The following TTLL3 variants were observed in gnomAD, a reference collection of about 807,000 sequenced individuals.
TTLL3 encodes tubulin tyrosine ligase like 3, also known as tubulin monoglycylase TTLL3.
TTLL3 carries 63 observed loss-of-function variants against 75.2 expected under a neutral mutation model. The ratio of observed to expected loss-of-function variants is 0.84; its 90% CI spans 0.68 to 1.03. The LOEUF (loss-of-function observed/expected upper bound fraction) is 1.03, where lower values mean the gene tolerates loss of function less well. TTLL3 is among the 50% of genes least tolerant of loss of function. TTLL3 has a pLI of 0.00. For synonymous variants in TTLL3, 393 were observed against 418.5 expected, an observed-to-expected ratio of 0.94 and a Z score of 0.74; for missense variants, 997 against 1,069.9, an observed-to-expected ratio of 0.93 and a Z score of 0.95.
At position 9,831,825 on chromosome 3, in the gene TTLL3, G is replaced by T. The variant is rs547315726; in HGVS notation, c.1684-1279G>T. On this transcript the variant is annotated intron_variant, in intron 11 of 13. Coordinates refer to ENST00000685419, the MANE Select transcript of TTLL3 (RefSeq NM_001387446.1). The stretch of plus-strand genomic sequence containing the variant: ...TTTTTTTTTTTTTTTTTTAGACAGA[G>T]TCTCACTCTGCCACCCAGGCTGGAG... 8.0e-5 allele frequency among the ~76,000 whole-genome samples: 11 copies of T among 136,918 alleles called. No individual in the cohort carries two copies. In the East Asian group the frequency reaches 2.3e-3, roughly 29 times the overall value. The allele number at this position is 136,918 out of a possible 152,430, so 89.8% of individuals were successfully genotyped here. A position where few individuals can be genotyped will look rare whatever the true frequency, so the allele number is the denominator to read the frequency against.
intron 11 of TTLL3, among the ~76,000 whole-genome samples, chr3:9,831,667 G>A (rs2081543765): frequency 6.6e-6 from 1 of 152,086 alleles, no homozygotes; most frequent in African/African-American, 2.4e-5. Context: ...TTTTATTAGA[G>A]TTGCAAAATG....
intron 4 of TTLL3, among the ~76,000 whole-genome samples, chr3:9,814,207 G>C (rs2079605558): frequency 6.6e-6 from 1 of 152,132 alleles, no homozygotes; most frequent in South Asian, 2.1e-4. Context: ...GTGGTGGCAG[G>C]CGCCTGTAAT....
chr3:9,814,331 G>T (rs1195914085), intron 4 of TTLL3, among the ~76,000 whole-genome samples: 1 of 149,106 alleles, frequency 6.7e-6, no homozygotes, highest in Admixed American at 6.7e-5. Flanking sequence ...GCGAGACTCC[G>T]TCTGAAAAAA....
At chr3:9,834,553 C>A in intron 12 of TTLL3, 128 bp from the exon 13 acceptor site, 1 of 1,437,594 alleles carries the variant, frequency 7.0e-7, no homozygotes, top group Non-Finnish European at 9.5e-7. Context: ...GGAGGAGGAA[C>A]CGGGAGGGCT....
chr3:9,824,190 T>A (rs890442884), intron 8 of TTLL3, among the ~76,000 whole-genome samples: 1 of 152,152 alleles, frequency 6.6e-6, no homozygotes, highest in African/African-American at 2.4e-5. Flanking sequence ...GGGTAGATGA[T>A]GGGAAGAAAA....
At chr3:9,833,459 T>C (rs1182794704) in intron 12 of TTLL3, among the ~76,000 whole-genome samples, 3 of 152,200 alleles carry the variant, frequency 2.0e-5, no homozygotes, top group African/African-American at 7.2e-5. Flanking sequence ...ATTTTCACCA[T>C]GACCTTTTCT....
intron 8 of TTLL3, 73 bp downstream of exon 8, chr3:9,820,814 C>A: frequency 6.4e-7 from 1 of 1,554,450 alleles, no homozygotes; most frequent in Non-Finnish European, 8.7e-7. Flanking sequence ...TCTCGTGCAG[C>A]CCCTACCCCT....
At position 9,810,774 on chromosome 3, in the gene TTLL3, T is replaced by A; in HGVS notation, c.48+65T>A. 1 of 1,413,140 alleles carries A rather than the reference T, an allele frequency of 7.1e-7. No homozygotes were observed. Among genetic ancestry groups the A allele is most frequent in the Non-Finnish European group, 9.6e-7 (1 of 1,044,504 alleles). 87.5% of individuals were successfully genotyped at this position (1,413,140 alleles called of 1,614,324 possible). ...AGCGGCTCAGCCTGTCTCCCTGCGC[T>A]GTTTTCTTATATCCTTAAAAAACAA... On this transcript the variant is annotated intron_variant, in intron 2 of 13. Coordinates refer to ENST00000685419, the MANE Select transcript of TTLL3 (RefSeq NM_001387446.1). The surrounding 1 kb of genome is among the most constrained non-coding windows in gnomAD (Gnocchi z 4.4).
intron 4 of TTLL3, among the ~76,000 whole-genome samples, chr3:9,813,898 G>T (rs2125681791): frequency 6.6e-6 from 1 of 152,246 alleles, no homozygotes; most frequent in South Asian, 2.1e-4. Flanking sequence ...CATACCAGAT[G>T]CCAGCACAGC....
intron 5 of TTLL3, 88 bp from the exon 6 acceptor site, chr3:9,817,557 C>T: frequency 1.9e-6 from 3 of 1,603,104 alleles, no homozygotes; most frequent in Non-Finnish European, 2.6e-6. Flanking sequence ...GCTCTGAGCG[C>T]AGATCCAGTC....
At position 9,827,153 on chromosome 3, in the gene TTLL3, C is replaced by G. The variant is rs146100421; in HGVS notation, c.1160C>G (p.Thr387Ser). The change falls in exon 10 of 14, where the codon ACT becomes AGT. Residue 387 changes from threonine to serine, a missense_variant. Physicochemically the swap from Thr to Ser is moderately conservative, Grantham distance 58. Transcript: ENST00000685419. Reference sequence around the variant, plus strand: ...GACCTCAGACAGTGGTTCCTGGTAACTGACTGGAACCCACTTACCGTGTGG... The same window carrying G: ...GACCTCAGACAGTGGTTCCTGGTAAGTGACTGGAACCCACTTACCGTGTGG... ...KFDLRQWFLVTDWNPLTVWFY... is the reference protein window; with the variant it reads ...KFDLRQWFLVSDWNPLTVWFY... 9 of 1,614,250 alleles carry G rather than the reference C, an allele frequency of 5.6e-6. No homozygotes were observed. Among genetic ancestry groups the G allele is most frequent in the Non-Finnish European group, 7.6e-6 (9 of 1,180,036 alleles).
intron 5 of TTLL3, among the ~76,000 whole-genome samples, chr3:9,816,523 C>CTTTTTTTT (rs71052206): frequency 9.6e-6 from 1 of 103,992 alleles, no homozygotes; most frequent in East Asian, 3.0e-4. Flanking sequence ...ACCTGGGTTT[C>CTTTTTTTT]TTTTTTTTTT....
chr3:9,820,700 G>C lies in TTLL3; in HGVS notation c.813G>C (p.Glu271Asp). 3 of 1,614,132 alleles carry C rather than the reference G, an allele frequency of 1.9e-6. No homozygotes were observed. In the South Asian group the frequency reaches 3.3e-5, roughly 18 times the overall value. The change falls in exon 8 of 14, where the codon GAG (glutamate) becomes GAC (aspartate). Residue 271 changes from glutamate (E) to aspartate (D), a missense_variant. Glu to Asp is a conservative substitution (Grantham distance 45). Coordinates refer to ENST00000685419, the MANE Select transcript of TTLL3 (RefSeq NM_001387446.1). Reference sequence around the variant, plus strand: ...AGGCCCCGCTGTACCTCACCCCCGAGGGCTGGTCCCTCTTCCTCCAGCGCT... The same window carrying C: ...AGGCCCCGCTGTACCTCACCCCCGACGGCTGGTCCCTCTTCCTCCAGCGCT... ...DLEAPLYLTP[E>D]GWSLFLQRYY...
chr3:9,819,041 G>A, intron 7 of TTLL3, 121 bp downstream of exon 7: 3 of 1,308,508 alleles, frequency 2.3e-6, no homozygotes, highest in Non-Finnish European at 3.2e-6. Context: ...CCACACATCT[G>A]TGTATGATTC....
At chr3:9,829,871 C>G (rs2081359988) in intron 11 of TTLL3, among the ~76,000 whole-genome samples, 1 of 152,196 alleles carries the variant, frequency 6.6e-6, no homozygotes. Context: ...GAGACAGAGT[C>G]TCGCTCTGTT....
chr3:9,833,132 G>A lies in TTLL3; in HGVS notation c.1712G>A (p.Gly571Asp). ...GCTGTGGAGGTGCCTCAATATGTGGGCATCCGGCTCCTGGTAGAGGGCTTC... is the reference window on the plus strand; with the variant it reads ...GCTGTGGAGGTGCCTCAATATGTGGACATCCGGCTCCTGGTAGAGGGCTTC... ...QPAVEVPQYVGIRLLVEGFTI... is the reference protein window; with the variant it reads ...QPAVEVPQYVDIRLLVEGFTI... The change falls in exon 12 of 14, where the codon GGC becomes GAC. Residue 571 changes from glycine (G) to aspartate (D), a missense_variant. By Grantham distance (94) the Gly-to-Asp change is moderately conservative. Transcript: ENST00000685419. 1.2e-6 allele frequency: 2 copies of A among 1,614,172 alleles called. No homozygotes were observed. Among genetic ancestry groups the A allele is most frequent in the East Asian group, 2.2e-5 (1 of 44,882 alleles).
chr3:9,834,796 CCTGTCGACCACAGGCAAGG>C lies in TTLL3; in HGVS notation c.1943_1961del (p.Leu648ProfsTer2). 18 of 1,614,224 alleles carry C rather than the reference CCTGTCGACCACAGGCAAGG, an allele frequency of 1.1e-5. No homozygotes were observed. Among genetic ancestry groups the C allele is most frequent in the Admixed American group, 1.7e-5 (1 of 60,032 alleles). ...ACAGCAAGCTGGTGGGCACTAAGGC[CCTGTCGACCACAGGCAAGG>C]CCTTGAGGACTCTACCCACGGCTAA... On this transcript the variant is annotated frameshift_variant, in exon 13 of 14. Transcript: ENST00000685419. LOFTEE classifies it high-confidence loss of function.
At chr3:9,833,716 G>A (rs1271267482) in intron 12 of TTLL3, among the ~76,000 whole-genome samples, 1 of 152,128 alleles carries the variant, frequency 6.6e-6, no homozygotes, top group Non-Finnish European at 1.5e-5. Context: ...ACGGTGGTGT[G>A]AGCCTGTGGT....
intron 8 of TTLL3, among the ~76,000 whole-genome samples, chr3:9,823,396 C>T (rs1164047742): frequency 7.2e-6 from 1 of 138,256 alleles, no homozygotes; most frequent in African/African-American, 2.7e-5. Flanking sequence ...AAAAAACAAA[C>T]AGCCAGTTTT....
Sources: gnomAD v4.1 joint callset for allele counts (sites outside exome capture counted in the v4.1 genomes callset) on GRCh38, gnomAD v4.1.1 for gene constraint, Gnocchi (gnomAD v3.1) non-coding constraint, MANE v1.5 for transcripts, NCBI Gene and HGNC (gene_info 2026-07-23, HGNC 2026-07-21) for gene names.